The following PDZRN3 variants were observed in gnomAD, a reference collection of about 807,000 sequenced individuals.
PDZRN3 encodes E3 ubiquitin-protein ligase PDZRN3.
Under a neutral mutation model 85.7 loss-of-function variants are expected in PDZRN3, and 38 were observed. The ratio of observed to expected loss-of-function variants is 0.44; its 90% CI spans 0.34 to 0.58. PDZRN3 has a LOEUF of 0.58. PDZRN3 is among the 20% of genes least tolerant of loss of function. The probability of loss-of-function intolerance (pLI) is 0.01; values close to 1 mark genes in which losing one functional copy is unlikely to be tolerated. For missense variants in PDZRN3, 1,629 were observed against 1,506.4 expected, an observed-to-expected ratio of 1.08 and a Z score of -1.35; for synonymous variants, 759 against 638.0, an observed-to-expected ratio of 1.19 and a Z score of -2.86.
At chr3:73,442,674 A>G (rs1009168874) in intron 3 of PDZRN3, among the ~76,000 whole-genome samples, 9 of 148,246 alleles carry the variant, frequency 6.1e-5, no homozygotes, top group African/African-American at 1.0e-4. Context: ...AAAAATCAGC[A>G]GCAGTCGTCT....
chr3:73,450,657 G>T (rs2106841164), intron 3 of PDZRN3, among the ~76,000 whole-genome samples: 1 of 152,280 alleles, frequency 6.6e-6, no homozygotes, highest in East Asian at 1.9e-4. Context: ...TGGTCAAACT[G>T]GTTTAGGGTA....
At position 73,383,999 on chromosome 3, in the gene PDZRN3, C is replaced by T. The variant is rs1264008375; in HGVS notation, c.2567G>A (p.Gly856Asp). 1 of 1,590,010 alleles carries T rather than the reference C, an allele frequency of 6.3e-7. No homozygotes were observed. The highest frequency in any genetic ancestry group is 2.2e-5 in the East Asian group (1 of 44,672). The part of the protein sequence containing the change: ...SRSPTPSQKL[G>D]SAYLPSYHHS... The stretch of plus-strand genomic sequence containing the variant: ...GTGATAGGAGGGCAGGTAGGCGCTG[C>T]CCAGCTTCTGGCTGGGCGTGGGGCT... Residue 856 changes from glycine (G) to aspartate (D), a missense_variant, in exon 10 of 10, where the codon GGC (glycine) becomes GAC (aspartate). Transcript: ENST00000263666.
At chr3:73,455,983 T>G (rs916308632) in intron 3 of PDZRN3, among the ~76,000 whole-genome samples, 1 of 152,200 alleles carries the variant, frequency 6.6e-6, no homozygotes, top group Non-Finnish European at 1.5e-5. Context: ...GCACAAACCC[T>G]GCATAAATAA....
intron 3 of PDZRN3, among the ~76,000 whole-genome samples, chr3:73,566,799 C>T (rs551622510): frequency 3.5e-4 from 53 of 152,252 alleles, no homozygotes; most frequent in African/African-American, 1.2e-3. Context: ...GACAAGAAAA[C>T]GGTGTCTTGC....
Position 73,433,071 on chromosome 3 carries a change from G to T in PDZRN3, c.919-28676C>A, listed in dbSNP as rs995903661. Among the ~76,000 whole-genome samples the T allele has an allele frequency of 3.9e-4, 59 of 152,154 alleles. 2 individuals are homozygous for T. On this transcript the variant is annotated intron_variant, in intron 3 of 9. Coordinates refer to ENST00000263666, the MANE Select transcript of PDZRN3 (RefSeq NM_015009.3). ...TACAAGTCATCTGATGTGAATGACAGCACCCAAGATCAAGTCACTTGCTTT... is the reference window on the plus strand; with the variant it reads ...TACAAGTCATCTGATGTGAATGACATCACCCAAGATCAAGTCACTTGCTTT...
intron 3 of PDZRN3, among the ~76,000 whole-genome samples, chr3:73,441,295 C>A (rs964796826): frequency 6.6e-6 from 1 of 151,176 alleles, no homozygotes; most frequent in Non-Finnish European, 1.5e-5. Flanking sequence ...TGCCTGTAAT[C>A]CCAGCTAGTG....
intron 3 of PDZRN3, among the ~76,000 whole-genome samples, chr3:73,422,453 A>T (rs187900575): frequency 1.3e-5 from 2 of 152,360 alleles, no homozygotes; most frequent in Non-Finnish European, 2.9e-5. Context: ...CCTGTGCAGG[A>T]TAAGTAACAC....
intron 2 of PDZRN3, 38 bp downstream of exon 2, chr3:73,608,560 C>T (rs1173210415): frequency 3.6e-6 from 5 of 1,392,100 alleles, no homozygotes; most frequent in African/African-American, 1.4e-5. Flanking sequence ...TCCAGCTACA[C>T]CAGGAAAAGG....
chr3:73,561,476 G>A (rs1701813018), intron 3 of PDZRN3: 1 of 152,222 alleles, frequency 6.6e-6, no homozygotes, highest in South Asian at 2.1e-4. Flanking sequence ...TGCCTCAGAA[G>A]TCTAGAGCTT....
chr3:73,443,479 CTTT>C (rs768320565), intron 3 of PDZRN3, among the ~76,000 whole-genome samples: 18 of 48,160 alleles, frequency 3.7e-4, no homozygotes, highest in African/African-American at 7.7e-4. Context: ...TTTCCTTTTT[CTTT>C]TTTTTTTTTT....
At chr3:73,480,078 G>A (rs1703532679) in intron 3 of PDZRN3, among the ~76,000 whole-genome samples, 1 of 152,128 alleles carries the variant, frequency 6.6e-6, no homozygotes, top group South Asian at 2.1e-4. Context: ...TAGGACCTGA[G>A]GCCAGGGTCT....
chr3:73,411,994 CAG>C (rs1701982766), intron 3 of PDZRN3, among the ~76,000 whole-genome samples: 1 of 152,194 alleles, frequency 6.6e-6, no homozygotes, highest in African/African-American at 2.4e-5. Context: ...ACGAGAGACA[CAG>C]AGGGCATCTG....
chr3:73,603,708 C>G (rs1382470214), intron 2 of PDZRN3, among the ~76,000 whole-genome samples: 1 of 152,074 alleles, frequency 6.6e-6, no homozygotes, highest in East Asian at 1.9e-4. Context: ...CCACTTTAAA[C>G]AGCAAAAAAC....
At chr3:73,425,086 C>T (rs529970231) in intron 3 of PDZRN3, among the ~76,000 whole-genome samples, 89 of 150,900 alleles carry the variant, frequency 5.9e-4, no homozygotes, top group Non-Finnish European at 9.1e-4. Context: ...ATGATCTCGG[C>T]TCACTGCAAG....
chr3:73,582,720 C>T (rs891883607), intron 3 of PDZRN3, among the ~76,000 whole-genome samples: 1 of 152,018 alleles, frequency 6.6e-6, no homozygotes, highest in African/African-American at 2.4e-5. Context: ...CAATGGTCAG[C>T]TGTGTGACCT....
At chr3:73,618,169 C>G (rs1021619248) in intron 1 of PDZRN3, among the ~76,000 whole-genome samples, 1 of 152,184 alleles carries the variant, frequency 6.6e-6, no homozygotes, top group African/African-American at 2.4e-5. Context: ...AGTTATTTAA[C>G]TTTCTGAGCT....
At chr3:73,453,411 AAAAAAAAAAAAAC>A (rs1559687555) in intron 3 of PDZRN3, among the ~76,000 whole-genome samples, 4 of 134,496 alleles carry the variant, frequency 3.0e-5, no homozygotes, top group East Asian at 2.1e-4. Context: ...TCTCAAAAAA[AAAAAAAAAAAAAC>A]AAAAAAAAAA....
chr3:73,497,236 T>C (rs995560472), intron 3 of PDZRN3, among the ~76,000 whole-genome samples: 14 of 152,166 alleles, frequency 9.2e-5, no homozygotes, highest in Admixed American at 2.0e-4. Context: ...AAATGTACAT[T>C]TGGAGAGCAG....
At chr3:73,403,977 A>T (rs1173744058) in intron 4 of PDZRN3, among the ~76,000 whole-genome samples, 171 bp downstream of exon 4, 1 of 152,182 alleles carries the variant, frequency 6.6e-6, no homozygotes, top group Non-Finnish European at 1.5e-5. Flanking sequence ...AATATGTCGG[A>T]GCGGTTTTGA....
Sources: allele counts gnomAD v4.1 joint callset (sites outside exome capture counted in the v4.1 genomes callset), GRCh38; gene constraint gnomAD v4.1.1; transcripts MANE v1.5; gene names NCBI Gene and HGNC (gene_info 2026-07-23, HGNC 2026-07-21).